VAV2: variants seen among roughly 807,000 people sequenced by gnomAD.
VAV2 encodes guanine nucleotide exchange factor VAV2.
In VAV2, 67 loss-of-function variants were observed where a neutral mutation model predicts 132.5. The ratio of observed to expected loss-of-function variants is 0.51; its 90% CI spans 0.42 to 0.62. The LOEUF (loss-of-function observed/expected upper bound fraction) is 0.62, where lower values mean the gene tolerates loss of function less well. Ranked by LOEUF, VAV2 falls within the 20% of genes least tolerant of loss-of-function variation. The pLI is 0.00. For synonymous variants in VAV2, 492 were observed against 443.5 expected (o/e 1.11, Z -1.37); for missense variants, 938 against 1,153.6 (o/e 0.81, Z 2.71).
chr9:133,876,620 G>GGGC (rs1838276670), intron 2 of VAV2, among the ~76,000 whole-genome samples: 1 of 152,224 alleles, frequency 6.6e-6, no homozygotes, highest in Non-Finnish European at 1.5e-5. Flanking sequence ...GCTGGTGTTT[G>GGGC]AGAGATGCTT....
rs373127665 is a variant in VAV2 at position 133,875,523 on chromosome 9, G to C, written c.322-14091C>G. On this transcript the variant is annotated intron_variant, in intron 2 of 29. Transcript: ENST00000371850. ...AGCAGCTCGAAGTGAGGGCTGCCTGGAGGAGGCGCAGGCCTATGATAAAGT... is the reference window on the plus strand; with the variant it reads ...AGCAGCTCGAAGTGAGGGCTGCCTGCAGGAGGCGCAGGCCTATGATAAAGT... Among the ~76,000 whole-genome samples, 461 of 152,330 alleles carry C rather than the reference G, an allele frequency of 3.0e-3. 3 individuals carry two copies. Among genetic ancestry groups the C allele is most frequent in the Non-Finnish European group, 4.5e-3 (308 of 68,032 alleles).
At chr9:133,810,480 G>A (rs1337365110) in intron 5 of VAV2, among the ~76,000 whole-genome samples, 1 of 152,202 alleles carries the variant, frequency 6.6e-6, no homozygotes, top group African/African-American at 2.4e-5. Flanking sequence ...ACCTTCCACT[G>A]GGGCTGTTCA....
chr9:133,835,681 A>G (rs1414014776), intron 3 of VAV2, among the ~76,000 whole-genome samples: 1 of 152,064 alleles, frequency 6.6e-6, no homozygotes, highest in Non-Finnish European at 1.5e-5. Flanking sequence ...TCAGGCTGAC[A>G]TTTGCTCAGC....
At chr9:133,874,876 T>C (rs528721237) in intron 2 of VAV2, among the ~76,000 whole-genome samples, 1 of 152,188 alleles carries the variant, frequency 6.6e-6, no homozygotes, top group South Asian at 2.1e-4. Flanking sequence ...GGAGGCCTCA[T>C]GGAGCCAGGC....
chr9:133,946,059 G>A (rs1176639158), intron 1 of VAV2, among the ~76,000 whole-genome samples: 1 of 152,226 alleles, frequency 6.6e-6, no homozygotes, highest in East Asian at 1.9e-4. Context: ...CTGAGACATT[G>A]GTCACTGGGA....
chr9:133,960,449 GC>G (rs1335601481), intron 1 of VAV2, among the ~76,000 whole-genome samples: 3 of 152,206 alleles, frequency 2.0e-5, no homozygotes, highest in Non-Finnish European at 4.4e-5. Context: ...GACCCTGAGT[GC>G]CGGCCACGGG....
chr9:133,848,570 G>A (rs1194018390), intron 3 of VAV2, among the ~76,000 whole-genome samples: 3 of 151,930 alleles, frequency 2.0e-5, no homozygotes, highest in Admixed American at 2.0e-4. Context: ...AACCAGCAAG[G>A]GCACCAGATG....
chr9:133,796,514 A>G lies in VAV2; in HGVS notation c.947T>C (p.Leu316Pro). 1.2e-6 allele frequency: 2 copies of G among 1,613,514 alleles called. No individual in the cohort carries two copies. Among genetic ancestry groups the G allele is most frequent in the African/African-American group, 2.7e-5 (2 of 75,044 alleles). ...DFRQKVEECT[L>P]KVQDGKFKLQ... is the part of the protein sequence containing the mutation. ...CTTAAATTTTCCATCCTGGACCTTC[A>G]GTGTGCACTCCTGGGAGGGCGACAG... The change falls in exon 11 of 30, where the codon CTG (leucine) becomes CCG (proline). Residue 316 changes from leucine to proline, a missense_variant. By Grantham distance (98) the Leu-to-Pro change is moderately conservative. Coordinates refer to ENST00000371850, the MANE Select transcript of VAV2 (RefSeq NM_001134398.2).
At chr9:133,775,998 G>C in intron 24 of VAV2, 30 bp downstream of exon 24, 1 of 1,586,650 alleles carries the variant, frequency 6.3e-7, no homozygotes. Flanking sequence ...GCCACCAGAT[G>C]CCCATGTCTG....
At chr9:133,816,798 T>C (rs768780765) in intron 4 of VAV2, among the ~76,000 whole-genome samples, 13 of 152,352 alleles carry the variant, frequency 8.5e-5, no homozygotes, top group South Asian at 2.1e-4. Flanking sequence ...CAGAAACCAA[T>C]TGACCAAATA....
intron 2 of VAV2, among the ~76,000 whole-genome samples, chr9:133,910,297 C>G (rs929549582): frequency 6.6e-6 from 1 of 152,174 alleles, no homozygotes; most frequent in African/African-American, 2.4e-5. Flanking sequence ...CGAACAAACC[C>G]TGGTGAGTTT....
rs1554787824 is a variant in VAV2, at chr9:133,840,034, C to CGCACTTACCCCTAGCG, written c.381-5710_381-5695dup. Among the ~76,000 whole-genome samples, 1 of 152,150 alleles carries CGCACTTACCCCTAGCG rather than the reference C, an allele frequency of 6.6e-6. No individual in the cohort carries two copies. The highest frequency in any genetic ancestry group is 2.4e-5 in the African/African-American group (1 of 41,428). On this transcript the variant is annotated intron_variant, in intron 3 of 29. Coordinates refer to ENST00000371850, the MANE Select transcript of VAV2 (RefSeq NM_001134398.2). The surrounding 1 kb of genome is among the most constrained non-coding windows in gnomAD (Gnocchi z 4.5). The stretch of plus-strand genomic sequence containing the variant: ...TCAGGCACCAGCTGATTTTCCTTCC[C>CGCACTTACCCCTAGCG]GCACTTACCCCTAGCGTCCCCTACC...
chr9:133,930,807 G>A (rs141234352), intron 2 of VAV2, among the ~76,000 whole-genome samples: 22 of 152,300 alleles, frequency 1.4e-4, no homozygotes, highest in African/African-American at 3.1e-4. Context: ...TCAGGTGACC[G>A]GTGGTGTGCG....
chr9:133,822,532 C>G (rs1016036051), intron 4 of VAV2, among the ~76,000 whole-genome samples: 2 of 152,206 alleles, frequency 1.3e-5, no homozygotes, highest in Non-Finnish European at 2.9e-5. Context: ...GGAGCTTGTT[C>G]TCACACGCCC....
chr9:133,777,802 G>A (rs1242345372), intron 22 of VAV2, among the ~76,000 whole-genome samples: 2 of 152,180 alleles, frequency 1.3e-5, no homozygotes, highest in African/African-American at 4.8e-5. Flanking sequence ...TGAACCTCCT[G>A]TTACATGAAT....
chr9:133,765,266 T>C (rs892455471), intron 29 of VAV2, among the ~76,000 whole-genome samples: 26 of 152,250 alleles, frequency 1.7e-4, no homozygotes, highest in Non-Finnish European at 2.9e-4. Flanking sequence ...AGTATTACCC[T>C]GCAAATTACT....
intron 2 of VAV2, among the ~76,000 whole-genome samples, chr9:133,925,262 A>G (rs1182382404): frequency 2.0e-5 from 3 of 152,014 alleles, no homozygotes; most frequent in African/African-American, 7.2e-5. Context: ...TGTTGCCCAG[A>G]CTGGAGTGCA....
At chr9:133,793,238 G>A (rs6479623) in intron 12 of VAV2, among the ~76,000 whole-genome samples, 83,181 of 151,890 alleles carry the variant, frequency 0.55, 23,218 homozygotes, top group African/African-American at 0.64. Flanking sequence ...CGGAACCCAA[G>A]GGAGCCGGCC....
chr9:133,792,117 GGTGT>G (rs1291870766), intron 12 of VAV2, among the ~76,000 whole-genome samples: 1 of 46,234 alleles, frequency 2.2e-5, no homozygotes. Context: ...TACTGTGTGG[GGTGT>G]GTGTGAGCGG....
Sources: gnomAD v4.1 joint callset for allele counts (sites outside exome capture counted in the v4.1 genomes callset) on GRCh38, gnomAD v4.1.1 for gene constraint, Gnocchi (gnomAD v3.1) non-coding constraint, MANE v1.5 for transcripts, NCBI Gene and HGNC (gene_info 2026-07-23, HGNC 2026-07-21) for gene names.